The following PECAM1 variants were observed in gnomAD, a reference collection of about 807,000 sequenced individuals.
The protein encoded by PECAM1 is platelet and endothelial cell adhesion molecule 1, also known as platelet endothelial cell adhesion molecule.
A neutral mutation model predicts 13.8 loss-of-function variants in PECAM1; 8 were observed. The ratio of observed to expected loss-of-function variants is 0.58; its 90% confidence interval spans 0.34 to 1.05. The LOEUF is 1.05. Among genes scored for constraint, PECAM1 ranks in the 50% least tolerant of loss-of-function variants. The probability of loss-of-function intolerance (pLI) is 0.03; values close to 1 mark genes in which losing one functional copy is unlikely to be tolerated. For synonymous variants in PECAM1, 136 were observed against 52.6 expected, an observed-to-expected ratio of 2.58 and a Z score of -6.86; for missense variants, 304 against 141.2, an observed-to-expected ratio of 2.15 and a Z score of -5.84.
At chr17:64,356,433 G>C in intron 7 of PECAM1, 35 bp from the exon 8 acceptor site, 1 of 439,792 alleles carries the variant, frequency 2.3e-6, no homozygotes, top group Non-Finnish European at 4.1e-6. Context: ...ACTGAGCAAA[G>C]AAGGGCAGAG....
At chr17:64,356,854 T>C (rs1303734138) in intron 7 of PECAM1, among the ~76,000 whole-genome samples, 1 of 152,180 alleles carries the variant, frequency 6.6e-6, no homozygotes, top group Non-Finnish European at 1.5e-5. Context: ...TTTTCCTTTA[T>C]GCTTTGACTC....
chr17:64,378,468 C>G (rs1157616773), intron 2 of PECAM1, among the ~76,000 whole-genome samples: 3 of 152,004 alleles, frequency 2.0e-5, no homozygotes, highest in South Asian at 4.2e-4. Context: ...ATGGTGAAAC[C>G]CCCTCTCTAC....
At position 64,320,460 on chromosome 17, in the gene PECAM1, C is replaced by T. The variant is rs1243615709; in HGVS notation, c.*3356G>A. ...ACTTCTTCCTTTTGTCCTCAATGTT[C>T]TTCACCCCACCTTTTCCACTGGTAC... On this transcript the variant is annotated 3_prime_UTR_variant, in exon 16 of 16. Coordinates refer to ENST00000563924, the MANE Select transcript of PECAM1 (RefSeq NM_000442.5). The T allele has an allele frequency of 6.5e-6, 1 of 152,698 alleles. No homozygotes were observed. Among genetic ancestry groups the T allele is most frequent in the Non-Finnish European group, 1.5e-5 (1 of 68,432 alleles). The allele number at this position is 152,698 out of a possible 1,614,324, so 9.5% of individuals were successfully genotyped here. A position where few individuals can be genotyped will look rare whatever the true frequency, so the allele number is the denominator to read the frequency against.
rs2034793643 is a variant in PECAM1, at chr17:64,320,260, T to G, written c.*3556A>C. The stretch of plus-strand genomic sequence containing the variant: ...CTTTCAGAGACCTCCTCCTTAAGAC[T>G]CTCAAAGACTGAGTCAGGCCAGTGG... On this transcript the variant is annotated 3_prime_UTR_variant, in exon 16 of 16. Transcript: ENST00000563924. The G allele has an allele frequency of 6.6e-6, 1 of 152,178 alleles. No homozygotes were observed. The highest frequency in any genetic ancestry group is 2.4e-5 in the African/African-American group (1 of 41,430). 9.4% of individuals were successfully genotyped at this position (152,178 alleles called of 1,614,324 possible). A position where few individuals can be genotyped will look rare whatever the true frequency, so the allele number is the denominator to read the frequency against.
chr17:64,370,884 C>G (rs2143850222), intron 4 of PECAM1, among the ~76,000 whole-genome samples: 1 of 152,218 alleles, frequency 6.6e-6, no homozygotes, highest in Non-Finnish European at 1.5e-5. Flanking sequence ...TAATAGTGAA[C>G]TTAGAGTACT....
chr17:64,344,944 G>A (rs2035526398), intron 13 of PECAM1, among the ~76,000 whole-genome samples: 1 of 152,186 alleles, frequency 6.6e-6, no homozygotes, highest in Non-Finnish European at 1.5e-5. Context: ...CCCTGCAGCT[G>A]CACAGCTTGG....
chr17:64,334,931 G>A (rs916198475), intron 14 of PECAM1, among the ~76,000 whole-genome samples: 1 of 152,086 alleles, frequency 6.6e-6, no homozygotes, highest in Admixed American at 6.6e-5. Context: ...GGGTGAGAAA[G>A]ACCCTACTCC....
chr17:64,331,200 T>C lies in PECAM1; in HGVS notation c.2165-1478A>G, dbSNP rs2035105273. Among the ~76,000 whole-genome samples, 3 of 20,298 alleles carry C rather than the reference T, an allele frequency of 1.5e-4. 1 individual carries two copies. The highest frequency in any genetic ancestry group is 4.3e-3 in the South Asian group (2 of 460). 13.3% of individuals were successfully genotyped at this position (20,298 alleles called of 152,430 possible). On this transcript the variant is annotated intron_variant, in intron 14 of 15. Transcript: ENST00000563924. ...CTGTGTGGGAGCCCACACCACCTTC[T>C]TTTTTTTTTTTTTTGAGACGGGGTC...
intron 2 of PECAM1, among the ~76,000 whole-genome samples, chr17:64,388,750 T>C (rs1021250700): frequency 6.6e-6 from 1 of 152,098 alleles, no homozygotes; most frequent in African/African-American, 2.4e-5. Flanking sequence ...TCACCGAACC[T>C]CTGCCTCCTG....
At chr17:64,329,964 A>C (rs961013152) in intron 14 of PECAM1, among the ~76,000 whole-genome samples, 2 of 149,410 alleles carry the variant, frequency 1.3e-5, no homozygotes, top group Admixed American at 6.7e-5. Flanking sequence ...AATTTTCTTT[A>C]TTTTTTATTT....
rs1036276418 is a variant in PECAM1, at chr17:64,340,872, C to T, written c.2164+762G>A. ...CAGCACTTTGGGAGGCCGAGGCGCGCGGATTACCTGAGGTTGGGAGTTTGC... is the reference window on the plus strand; with the variant it reads ...CAGCACTTTGGGAGGCCGAGGCGCGTGGATTACCTGAGGTTGGGAGTTTGC... On this transcript the variant is annotated intron_variant, in intron 14 of 15. Coordinates refer to ENST00000563924, the MANE Select transcript of PECAM1 (RefSeq NM_000442.5). Among the ~76,000 whole-genome samples, 34 of 152,196 alleles carry T rather than the reference C, an allele frequency of 2.2e-4. No individual in the cohort carries two copies. The East Asian group carries it at 2.3e-3, about 10-fold the overall frequency.
chr17:64,341,429 C>T (rs1007310909), intron 14 of PECAM1, among the ~76,000 whole-genome samples: 13 of 152,266 alleles, frequency 8.5e-5, no homozygotes, highest in Middle Eastern at 3.4e-3. Context: ...ATTCAAGAAG[C>T]GCTCGTTGAC....
chr17:64,359,692 A>T (rs1482550950), intron 7 of PECAM1, among the ~76,000 whole-genome samples: 2 of 150,816 alleles, frequency 1.3e-5, no homozygotes, highest in Non-Finnish European at 1.5e-5. Context: ...CCTTTACTGA[A>T]CCTTGGCCCT....
intron 5 of PECAM1, among the ~76,000 whole-genome samples, chr17:64,367,659 C>T (rs1285896216): frequency 6.6e-6 from 1 of 152,016 alleles, no homozygotes; most frequent in Non-Finnish European, 1.5e-5. Context: ...GACAGAATGT[C>T]TCAGTCCATC....
At chr17:64,376,124 C>A (rs59359264) in intron 3 of PECAM1, among the ~76,000 whole-genome samples, 9,556 of 151,608 alleles carry the variant, frequency 0.063, 1,002 homozygotes, top group African/African-American at 0.22. Context: ...GCCAACATGG[C>A]GAAACCCCAT....
rs1351747182 is a variant in PECAM1, at chr17:64,360,246, C to T, written c.1386G>A (p.Ala462=). The change falls in exon 7 of 16, where the codon GCG becomes GCA. Residue 462 remains alanine (A), a synonymous_variant. Transcript: ENST00000563924. ...ENSTKNSNDP[A]VFKDNPTEDV... ...CTTCAGTGGGGTTGTCTTTGAATAC[C>T]GCAGGATCATTTGAGTTCTTGGTAC... 5 of 475,164 alleles carry T rather than the reference C, an allele frequency of 1.1e-5. No individual in the cohort carries two copies. Among genetic ancestry groups the T allele is most frequent in the South Asian group, 6.7e-5 (1 of 14,874 alleles). 29.4% of individuals were successfully genotyped at this position (475,164 alleles called of 1,614,324 possible).
At position 64,320,380 on chromosome 17, in the gene PECAM1, C is replaced by T. The variant is rs879982874; in HGVS notation, c.*3436G>A. ...AGGCCACTTGGGTCTGACAGACTGCCCTGCTGCCATCCCTCCAGGGCACCC... is the reference window on the plus strand; with the variant it reads ...AGGCCACTTGGGTCTGACAGACTGCTCTGCTGCCATCCCTCCAGGGCACCC... On this transcript the variant is annotated 3_prime_UTR_variant, in exon 16 of 16. Transcript: ENST00000563924. The T allele has an allele frequency of 2.6e-5, 4 of 152,388 alleles. No individual in the cohort carries two copies. The highest frequency in any genetic ancestry group is 6.6e-5 in the Admixed American group (1 of 15,266). 9.4% of individuals were successfully genotyped at this position (152,388 alleles called of 1,614,324 possible). A position where few individuals can be genotyped will look rare whatever the true frequency, so the allele number is the denominator to read the frequency against.
intron 6 of PECAM1, among the ~76,000 whole-genome samples, chr17:64,362,466 G>A (rs1241376872): frequency 6.6e-6 from 1 of 152,052 alleles, no homozygotes; most frequent in Middle Eastern, 3.2e-3. Flanking sequence ...TGGCTAACAC[G>A]GTGAAACCCC....
intron 14 of PECAM1, 142 bp from the exon 15 acceptor site, chr17:64,329,864 G>C: frequency 1.4e-6 from 1 of 694,814 alleles, no homozygotes; most frequent in South Asian, 1.6e-5. Context: ...GGTGCCCTTA[G>C]AGGTTTATGG....
Sources: allele counts gnomAD v4.1 joint callset (sites outside exome capture counted in the v4.1 genomes callset), GRCh38; gene constraint gnomAD v4.1.1; transcripts MANE v1.5; gene names NCBI Gene and HGNC (gene_info 2026-07-23, HGNC 2026-07-21).